NALCN: variants seen among roughly 807,000 people sequenced by gnomAD.
NALCN encodes the protein sodium leak channel, non-selective.
Under a neutral mutation model 225.3 loss-of-function variants are expected in NALCN, and 111 were observed. The observed-to-expected ratio is 0.49, with a 90% confidence interval of 0.42 to 0.58. NALCN has a LOEUF of 0.58. NALCN is among the 20% of genes least tolerant of loss of function. The pLI is 0.00. For missense variants in NALCN, 1,378 were observed against 2,202.4 expected (o/e 0.63, Z 7.49); for synonymous variants, 764 against 769.0 (o/e 0.99, Z 0.11).
chr13:101,311,565 A>G (rs1413337963), intron 7 of NALCN, among the ~76,000 whole-genome samples: 1 of 151,924 alleles, frequency 6.6e-6, no homozygotes, highest in African/African-American at 2.4e-5. Context: ...AGTTTTTAGC[A>G]TGAAGGGCTG....
intron 7 of NALCN, among the ~76,000 whole-genome samples, chr13:101,326,825 C>CAAAT (rs1485118774): frequency 6.6e-6 from 1 of 152,134 alleles, no homozygotes; most frequent in Non-Finnish European, 1.5e-5. Context: ...CTAACAGGGC[C>CAAAT]AAATAGTCGG....
chr13:101,183,060 G>A (rs2039304888), intron 14 of NALCN, among the ~76,000 whole-genome samples: 1 of 152,230 alleles, frequency 6.6e-6, no homozygotes, highest in African/African-American at 2.4e-5. Context: ...ATGGGAGTGG[G>A]TGACAAGCCC....
intron 17 of NALCN, among the ~76,000 whole-genome samples, chr13:101,130,286 A>G (rs1489016687): frequency 6.6e-6 from 1 of 152,174 alleles, no homozygotes; most frequent in African/African-American, 2.4e-5. Flanking sequence ...CACAACCAAG[A>G]AAACTACTGA....
intron 13 of NALCN, among the ~76,000 whole-genome samples, chr13:101,225,270 G>A (rs1195573313): frequency 1.3e-5 from 2 of 152,104 alleles, no homozygotes; most frequent in African/African-American, 4.8e-5. Context: ...ACAAAGGCTT[G>A]TTCTTTTTAT....
chr13:101,183,926 A>T (rs943209540), intron 14 of NALCN, among the ~76,000 whole-genome samples: 1 of 152,172 alleles, frequency 6.6e-6, no homozygotes, highest in African/African-American at 2.4e-5. Context: ...CAATGCTGTA[A>T]AAAAGAAAGC....
intron 3 of NALCN, among the ~76,000 whole-genome samples, chr13:101,387,674 C>G (rs1416058675): frequency 6.6e-6 from 1 of 152,062 alleles, no homozygotes; most frequent in Non-Finnish European, 1.5e-5. Context: ...TTTCAGCAGA[C>G]AAGTGCTTAA....
chr13:101,324,449 A>G (rs556615504), intron 7 of NALCN, among the ~76,000 whole-genome samples: 2 of 152,316 alleles, frequency 1.3e-5, no homozygotes, highest in East Asian at 3.9e-4. Context: ...AGTTTTTAAC[A>G]ATTGTCGAGC....
intron 6 of NALCN, among the ~76,000 whole-genome samples, chr13:101,372,127 C>T (rs60394909): frequency 0.22 from 32,659 of 151,876 alleles, 3,660 homozygotes; most frequent in Non-Finnish European, 0.24. Flanking sequence ...AAATTCATGA[C>T]GATAAAAAGG....
intron 7 of NALCN, among the ~76,000 whole-genome samples, chr13:101,296,696 AT>A (rs1266795450): frequency 1.3e-5 from 2 of 152,216 alleles, no homozygotes; most frequent in Non-Finnish European, 2.9e-5. Flanking sequence ...TTAGAGAACA[AT>A]AAGGCCTGTT....
At chr13:101,301,633 A>G (rs2043971777) in intron 7 of NALCN, among the ~76,000 whole-genome samples, 1 of 151,276 alleles carries the variant, frequency 6.6e-6, no homozygotes, top group African/African-American at 2.4e-5. Context: ...AGGCAGGAGA[A>G]TTGCTTGAAC....
chr13:101,250,805 T>C (rs2042039985), intron 11 of NALCN, among the ~76,000 whole-genome samples: 1 of 151,918 alleles, frequency 6.6e-6, no homozygotes, highest in African/African-American at 2.4e-5. Flanking sequence ...GGCTGGGAGA[T>C]GTCTGCACTG....
At chr13:101,364,422 C>A (rs559491122) in intron 6 of NALCN, among the ~76,000 whole-genome samples, 1 of 152,100 alleles carries the variant, frequency 6.6e-6, no homozygotes, top group African/African-American at 2.4e-5. Context: ...GAAATCCTGA[C>A]GTTTGCAGCT....
chr13:101,122,532 G>T (rs1453574397), intron 18 of NALCN, among the ~76,000 whole-genome samples: 1 of 151,910 alleles, frequency 6.6e-6, no homozygotes, highest in African/African-American at 2.4e-5. Context: ...TTATATAATT[G>T]AAAAAACAAA....
At chr13:101,226,847 T>C (rs537054905) in intron 13 of NALCN, among the ~76,000 whole-genome samples, 2 of 152,332 alleles carry the variant, frequency 1.3e-5, no homozygotes, top group South Asian at 4.1e-4. Context: ...AGAGGCCTCC[T>C]GATCAGGGCC....
chr13:101,141,756 A>G (rs2037089583), intron 17 of NALCN, among the ~76,000 whole-genome samples: 1 of 152,110 alleles, frequency 6.6e-6, no homozygotes, highest in Middle Eastern at 3.2e-3. Flanking sequence ...AAGGGAAAGA[A>G]AGCGGAGAGA....
chr13:101,074,728 G>A, intron 35 of NALCN, 66 bp from the exon 36 acceptor site: 2 of 1,476,452 alleles, frequency 1.4e-6, no homozygotes, highest in Non-Finnish European at 1.8e-6. Flanking sequence ...GACAGAGAGA[G>A]AGAGAGAGAG....
chr13:101,185,598 T>C (rs1413672420), intron 14 of NALCN, among the ~76,000 whole-genome samples: 1 of 152,184 alleles, frequency 6.6e-6, no homozygotes, highest in Non-Finnish European at 1.5e-5. Flanking sequence ...ACAGAATACA[T>C]ACCTGGCGGA....
intron 33 of NALCN, among the ~76,000 whole-genome samples, 191 bp downstream of exon 33, chr13:101,082,618 A>G (rs2033716047): frequency 6.6e-6 from 1 of 152,258 alleles, no homozygotes; most frequent in African/African-American, 2.4e-5. Context: ...TTCTGTAGTT[A>G]GAAAAATCTG....
Position 101,089,145 on chromosome 13 carries a change from G to A in NALCN, c.3489+518C>T, listed in dbSNP as rs369657197. On this transcript the variant is annotated intron_variant, in intron 30 of 43. Transcript: ENST00000251127. The surrounding 1 kb of genome is among the most constrained non-coding windows in gnomAD (Gnocchi z 4.7). The stretch of plus-strand genomic sequence containing the variant: ...ACTCCTGACCTCAAGTGATCCACCC[G>A]CCTTGGCCTCCCAAAGTGCTGGGAT... Among the ~76,000 whole-genome samples the A allele has an allele frequency of 6.6e-6, 1 of 151,998 alleles. No homozygotes were observed. The highest frequency in any genetic ancestry group is 1.5e-5 in the Non-Finnish European group (1 of 67,966).
Sources: allele counts gnomAD v4.1 joint callset (sites outside exome capture counted in the v4.1 genomes callset), GRCh38; gene constraint gnomAD v4.1.1; non-coding constraint Gnocchi (gnomAD v3.1); transcripts MANE v1.5; gene names NCBI Gene and HGNC (gene_info 2026-07-23, HGNC 2026-07-21).